The following CLNS1A variants were observed in gnomAD, a reference collection of about 807,000 sequenced individuals.
CLNS1A encodes the protein methylosome subunit pICln.
Under a neutral mutation model 29.4 loss-of-function variants are expected in CLNS1A, and 16 were observed. That is an observed-to-expected ratio of 0.54 (90% CI 0.37 to 0.83). CLNS1A has a LOEUF of 0.83. Ranked by LOEUF, CLNS1A falls within the 40% of genes least tolerant of loss-of-function variation. The probability of loss-of-function intolerance (pLI) is 0.00; values close to 1 mark genes in which losing one functional copy is unlikely to be tolerated. For missense variants in CLNS1A, 235 were observed against 287.4 expected, an observed-to-expected ratio of 0.82 and a Z score of 1.32; for synonymous variants, 96 against 104.8, an observed-to-expected ratio of 0.92 and a Z score of 0.51.
In CLNS1A at chr11:77,615,860, A is replaced by G. The variant is rs1476362411; in HGVS notation, c.*858T>C. The G allele has an allele frequency of 1.3e-5, 2 of 152,226 alleles. No individual in the cohort carries two copies. Among genetic ancestry groups the G allele is most frequent in the African/African-American group, 4.8e-5 (2 of 41,456 alleles). 9.4% of individuals were successfully genotyped at this position (152,226 alleles called of 1,614,324 possible). On this transcript the variant is annotated 3_prime_UTR_variant, in exon 7 of 7. Coordinates refer to ENST00000525428, the MANE Select transcript of CLNS1A (RefSeq NM_001293.3). ...AAAGTCCAAGTATAAATCAGTAATT[A>G]CAAATCAGCCTTATAATACCCAGGT...
intron 4 of CLNS1A, among the ~76,000 whole-genome samples, chr11:77,622,930 C>T (rs997253261): frequency 1.2e-4 from 17 of 143,060 alleles, no homozygotes; most frequent in African/African-American, 2.8e-4. Flanking sequence ...CCTGGGCAAC[C>T]GAGCAAGACC....
In CLNS1A at chr11:77,614,732, G is replaced by A. The variant is rs538621609; in HGVS notation, c.*1986C>T. On this transcript the variant is annotated 3_prime_UTR_variant, in exon 7 of 7. Coordinates refer to ENST00000525428, the MANE Select transcript of CLNS1A (RefSeq NM_001293.3). Reference sequence around the variant, plus strand: ...CCCTAGCTTTTAGGAACATTTAGATGACTTACATTTTGGAGGGGAAATGTC... The same window carrying A: ...CCCTAGCTTTTAGGAACATTTAGATAACTTACATTTTGGAGGGGAAATGTC... The A allele has an allele frequency of 6.6e-6, 1 of 152,170 alleles. No homozygotes were observed. The highest frequency in any genetic ancestry group is 1.5e-5 in the Non-Finnish European group (1 of 68,022). 9.4% of individuals were successfully genotyped at this position (152,170 alleles called of 1,614,324 possible).
intron 6 of CLNS1A, 138 bp from the exon 7 acceptor site, chr11:77,616,833 T>G (rs371335340): frequency 5.9e-5 from 9 of 152,324 alleles, no homozygotes; most frequent in African/African-American, 2.2e-4. Flanking sequence ...AAGGTAGGTA[T>G]TATCCTCCCC....
chr11:77,626,840 C>T (rs904049457), intron 2 of CLNS1A, among the ~76,000 whole-genome samples: 7 of 150,636 alleles, frequency 4.6e-5, no homozygotes, highest in Admixed American at 1.3e-4. Context: ...TACAGGCGCC[C>T]GCCACCACAC....
At chr11:77,624,926 C>A in intron 4 of CLNS1A, 37 bp downstream of exon 4, 1 of 1,387,048 alleles carries the variant, frequency 7.2e-7, no homozygotes, top group Non-Finnish European at 1.0e-6. Flanking sequence ...AAACACTAAA[C>A]AAACAAAAAA....
intron 2 of CLNS1A, among the ~76,000 whole-genome samples, chr11:77,628,974 C>A (rs889725102): frequency 1.3e-5 from 2 of 151,902 alleles, no homozygotes; most frequent in Non-Finnish European, 2.9e-5. Context: ...CCAATAATAC[C>A]CTTCCTCTTT....
rs1016775587 is a variant in CLNS1A, at chr11:77,615,654, A to G, written c.*1064T>C. On this transcript the variant is annotated 3_prime_UTR_variant, in exon 7 of 7. Transcript: ENST00000525428. ...TCAGAAATTCTGAGAGTCTGGTTAG[A>G]AAAAGGAAAATTCGTTTTTTTTCAG... 3.9e-4 allele frequency: 60 copies of G among 152,170 alleles called. No individual in the cohort carries two copies. The highest frequency in any genetic ancestry group is 1.4e-3 in the African/African-American group (59 of 41,454). The allele number at this position is 152,170 out of a possible 1,614,324, so 9.4% of individuals were successfully genotyped here. A position where few individuals can be genotyped will look rare whatever the true frequency, so the allele number is the denominator to read the frequency against.
intron 1 of CLNS1A, among the ~76,000 whole-genome samples, chr11:77,630,172 T>A (rs891149683): frequency 6.6e-6 from 1 of 152,230 alleles, no homozygotes; most frequent in Non-Finnish European, 1.5e-5. Flanking sequence ...ATGACTTTCA[T>A]GCTTACTCTT....
intron 1 of CLNS1A, among the ~76,000 whole-genome samples, chr11:77,631,677 T>C (rs1667537366): frequency 6.6e-6 from 1 of 151,988 alleles, no homozygotes; most frequent in African/African-American, 2.4e-5. Flanking sequence ...GTGGAAAGAT[T>C]TCTATCCAAC....
intron 5 of CLNS1A, chr11:77,622,082 C>G (rs918318053): frequency 2.2e-6 from 1 of 456,482 alleles, no homozygotes; most frequent in South Asian, 1.5e-5. Flanking sequence ...TCAGAGATAA[C>G]CTATCGTGGA....
chr11:77,624,397 T>C (rs1218095959), intron 4 of CLNS1A, among the ~76,000 whole-genome samples: 2 of 152,180 alleles, frequency 1.3e-5, no homozygotes, highest in Non-Finnish European at 1.5e-5. Flanking sequence ...CTATCTACCA[T>C]TTTCTTTCCT....
chr11:77,623,428 A>G (rs1353283239), intron 4 of CLNS1A, among the ~76,000 whole-genome samples: 1 of 151,914 alleles, frequency 6.6e-6, no homozygotes, highest in East Asian at 1.9e-4. Context: ...CATCTCTCCA[A>G]AAAAATGTTT....
At chr11:77,631,765 T>C (rs1959077268) in intron 1 of CLNS1A, among the ~76,000 whole-genome samples, 1 of 152,060 alleles carries the variant, frequency 6.6e-6, no homozygotes, top group Non-Finnish European at 1.5e-5. Context: ...TGAGATGAAG[T>C]CTCACTCTGT....
intron 1 of CLNS1A, among the ~76,000 whole-genome samples, chr11:77,631,834 T>C (rs1959077737): frequency 6.6e-6 from 1 of 152,068 alleles, no homozygotes; most frequent in African/African-American, 2.4e-5. Flanking sequence ...ACCTCCAGGG[T>C]TCAGGCGATT....
chr11:77,635,328 C>T (rs1441176715), intron 1 of CLNS1A, among the ~76,000 whole-genome samples: 1 of 149,594 alleles, frequency 6.7e-6, no homozygotes, highest in Non-Finnish European at 1.5e-5. Context: ...AGTAATAACA[C>T]AACTTTTCTT....
Position 77,619,487 on chromosome 11 carries a change from G to A in CLNS1A, c.*22+119C>T. 4 of 697,084 alleles carry A rather than the reference G, an allele frequency of 5.7e-6. No individual in the cohort carries two copies. In the South Asian group the frequency reaches 6.9e-5, roughly 12 times the overall value. 43.2% of individuals were successfully genotyped at this position (697,084 alleles called of 1,614,324 possible). On this transcript the variant is annotated intron_variant, in intron 6 of 6. Transcript: ENST00000525428. ...TGTAGTGAGCTAGGATCATGCCACT[G>A]CACTCTAGCCTGGGTGACAGAGTAA...
At chr11:77,618,557 T>G (rs780701507) in intron 6 of CLNS1A, 22 of 152,324 alleles carry the variant, frequency 1.4e-4, no homozygotes, top group Non-Finnish European at 2.8e-4. Flanking sequence ...TTCTGATAGT[T>G]CCACTGGCAG....
intron 2 of CLNS1A, among the ~76,000 whole-genome samples, chr11:77,627,878 T>A (rs1157777947): frequency 2.6e-5 from 4 of 152,092 alleles, no homozygotes; most frequent in Admixed American, 6.5e-5. Context: ...CAGGCTGGAG[T>A]GCAGTGGCGC....
intron 1 of CLNS1A, among the ~76,000 whole-genome samples, chr11:77,633,387 T>C (rs1387799002): frequency 2.0e-5 from 3 of 152,224 alleles, no homozygotes; most frequent in African/African-American, 7.2e-5. Flanking sequence ...CTGTTTTGTC[T>C]GATCATTAAA....
Sources: gnomAD v4.1 joint callset for allele counts (sites outside exome capture counted in the v4.1 genomes callset) on GRCh38, gnomAD v4.1.1 for gene constraint, MANE v1.5 for transcripts, NCBI Gene and HGNC (gene_info 2026-07-23, HGNC 2026-07-21) for gene names.